Variants in SH3BGRL2 observed in about 807,000 individuals in gnomAD.
SH3BGRL2 encodes the protein SH3 domain-binding glutamic acid-rich-like protein 2.
A neutral mutation model predicts 14.8 loss-of-function variants in SH3BGRL2; 21 were observed. That is an observed-to-expected ratio of 1.42 (90% CI 1.01 to 2.05). SH3BGRL2 has a LOEUF of 2.05. Ranked by LOEUF, SH3BGRL2 falls within the 30% of genes most tolerant of loss-of-function variation. The pLI is 0.00. For missense variants in SH3BGRL2, 147 were observed against 130.8 expected (o/e 1.12, Z -0.61); for synonymous variants, 50 against 47.8 (o/e 1.05, Z -0.19).
chr6:79,678,648 A>G (rs1321537888), intron 2 of SH3BGRL2, among the ~76,000 whole-genome samples: 1 of 152,136 alleles, frequency 6.6e-6, no homozygotes, highest in Non-Finnish European at 1.5e-5. Flanking sequence ...TAATTTTTAG[A>G]ATTATTTTAT....
the SH3BGRL2 span, among the ~76,000 whole-genome samples, chr6:79,582,155 G>A: frequency 6.6e-6 from 1 of 152,020 alleles, no homozygotes; most frequent in Non-Finnish European, 1.5e-5. Context: ...CAAATGGAAG[G>A]ATATTCCATG....
chr6:79,694,219 A>G (rs1338543566), intron 2 of SH3BGRL2, among the ~76,000 whole-genome samples: 1 of 152,222 alleles, frequency 6.6e-6, no homozygotes, highest in Non-Finnish European at 1.5e-5. Context: ...AATATGGTAT[A>G]GAGAGAACAG....
At chr6:79,694,825 C>T (rs750501030) in intron 2 of SH3BGRL2, among the ~76,000 whole-genome samples, 2 of 152,154 alleles carry the variant, frequency 1.3e-5, no homozygotes, top group Non-Finnish European at 1.5e-5. Flanking sequence ...TGCCCTCTGC[C>T]GTCAGCTCGG....
At chr6:79,643,803 A>C (rs1769077770) in intron 1 of SH3BGRL2, among the ~76,000 whole-genome samples, 1 of 152,234 alleles carries the variant, frequency 6.6e-6, no homozygotes, top group Admixed American at 6.5e-5. Flanking sequence ...GGAAGACTTC[A>C]GAAGTTAAAG....
chr6:79,655,069 G>A (rs1769378077), intron 1 of SH3BGRL2, among the ~76,000 whole-genome samples: 2 of 152,116 alleles, frequency 1.3e-5, no homozygotes, highest in Admixed American at 6.5e-5. Context: ...TTTTTTGTGT[G>A]GGGGGGTCGG....
the SH3BGRL2 span, among the ~76,000 whole-genome samples, chr6:79,621,565 T>C: frequency 6.6e-6 from 1 of 152,226 alleles, no homozygotes; most frequent in East Asian, 1.9e-4. Flanking sequence ...TATTTCGTTA[T>C]ACCAGCCCAA....
chr6:79,618,092 C>T, the SH3BGRL2 span, among the ~76,000 whole-genome samples: 4 of 152,240 alleles, frequency 2.6e-5, no homozygotes, highest in Admixed American at 1.3e-4. Context: ...TATTTGCAAG[C>T]ATATCTATGT....
intron 1 of SH3BGRL2, among the ~76,000 whole-genome samples, chr6:79,669,503 G>A (rs912585953): frequency 3.5e-5 from 5 of 142,644 alleles, no homozygotes; most frequent in East Asian, 2.1e-4. Flanking sequence ...TGCCTAGGCC[G>A]GAGTGCAATG....
chr6:79,580,109 A>G, the SH3BGRL2 span, among the ~76,000 whole-genome samples: 1 of 152,234 alleles, frequency 6.6e-6, no homozygotes, highest in African/African-American at 2.4e-5. Context: ...TATCCTAAAT[A>G]TATATGCAGC....
intron 1 of SH3BGRL2, among the ~76,000 whole-genome samples, chr6:79,634,361 A>C (rs907611050): frequency 2.0e-5 from 3 of 152,184 alleles, no homozygotes; most frequent in Non-Finnish European, 4.4e-5. Context: ...TTCTTATTCA[A>C]CTGACCATGT....
intron 1 of SH3BGRL2, among the ~76,000 whole-genome samples, chr6:79,654,441 G>A (rs187348595): frequency 3.3e-5 from 5 of 152,280 alleles, no homozygotes; most frequent in Non-Finnish European, 7.4e-5. Context: ...TTTTACAAAT[G>A]CTGTTTTAGT....
the SH3BGRL2 span, among the ~76,000 whole-genome samples, chr6:79,551,511 T>TCC: frequency 6.6e-6 from 1 of 152,138 alleles, no homozygotes; most frequent in African/African-American, 2.4e-5. Flanking sequence ...AGACTATTTC[T>TCC]TATAAAGAGT....
chr6:79,590,424 G>GACAT, the SH3BGRL2 span, among the ~76,000 whole-genome samples: 1 of 66,666 alleles, frequency 1.5e-5, no homozygotes, highest in African/African-American at 7.1e-5. Flanking sequence ...AAGAAAATGT[G>GACAT]ATATATATAT....
chr6:79,699,680 T>C lies in SH3BGRL2; in HGVS notation c.*171T>C, dbSNP rs1249164989. ...TGTGGCTATAATGAGAATTGCATGA[T>C]TGCTTTAAACCAAATCAGGTGGTGG... On this transcript the variant is annotated 3_prime_UTR_variant, in exon 4 of 4. Transcript: ENST00000369838. 8 of 950,902 alleles carry C rather than the reference T, an allele frequency of 8.4e-6. No individual in the cohort carries two copies. Among genetic ancestry groups the C allele is most frequent in the Non-Finnish European group, 1.2e-5 (8 of 688,874 alleles). The allele number at this position is 950,902 out of a possible 1,614,324, so 58.9% of individuals were successfully genotyped here.
At position 79,700,388 on chromosome 6, in the gene SH3BGRL2, G is replaced by A. The variant is rs994244525; in HGVS notation, c.*879G>A. On this transcript the variant is annotated 3_prime_UTR_variant, in exon 4 of 4. Coordinates refer to ENST00000369838, the MANE Select transcript of SH3BGRL2 (RefSeq NM_031469.4). The stretch of plus-strand genomic sequence containing the variant: ...ATTTTTTAATCCAGCTCCCCTAACA[G>A]ACAGCTGCTGCTTCTATTTTGTGAA... 6.6e-6 allele frequency: 1 copy of A among 152,100 alleles called. No individual in the cohort carries two copies. Among genetic ancestry groups the A allele is most frequent in the African/African-American group, 2.4e-5 (1 of 41,400 alleles). The allele number at this position is 152,100 out of a possible 1,614,324, so 9.4% of individuals were successfully genotyped here.
chr6:79,616,421 GTAA>G, the SH3BGRL2 span, among the ~76,000 whole-genome samples: 2 of 152,214 alleles, frequency 1.3e-5, no homozygotes, highest in Non-Finnish European at 1.5e-5. Flanking sequence ...GGAGGCAGGA[GTAA>G]TAAGAATCAA....
chr6:79,620,335 T>C, the SH3BGRL2 span, among the ~76,000 whole-genome samples: 5 of 152,084 alleles, frequency 3.3e-5, no homozygotes, highest in African/African-American at 1.2e-4. Flanking sequence ...CCTGATTTCC[T>C]TCCGACCTTT....
chr6:79,654,799 G>A (rs1240847962), intron 1 of SH3BGRL2, among the ~76,000 whole-genome samples: 1 of 152,170 alleles, frequency 6.6e-6, no homozygotes, highest in Admixed American at 6.5e-5. Flanking sequence ...CTTGAGGGGG[G>A]TGGTGTTAAG....
At chr6:79,574,071 C>T in the SH3BGRL2 span, 1 of 152,100 alleles carries the variant, frequency 6.6e-6, no homozygotes, top group African/African-American at 2.4e-5. Context: ...ACACCGCTAA[C>T]AAAAAGCAGA....
Sources: gnomAD v4.1 joint callset for allele counts (sites outside exome capture counted in the v4.1 genomes callset) on GRCh38, gnomAD v4.1.1 for gene constraint, MANE v1.5 for transcripts, NCBI Gene and HGNC (gene_info 2026-07-23, HGNC 2026-07-21) for gene names.